Variants in MYO1B observed in about 807,000 individuals in gnomAD.
MYO1B encodes myosin IB, also known as unconventional myosin-Ib.
A neutral mutation model predicts 159.7 loss-of-function variants in MYO1B; 72 were observed. That is an observed-to-expected ratio of 0.45 (90% CI 0.37 to 0.55). MYO1B has a LOEUF of 0.55. MYO1B is among the 20% of genes least tolerant of loss of function. The probability of loss-of-function intolerance (pLI) is 0.00; values close to 1 mark genes in which losing one functional copy is unlikely to be tolerated. For synonymous variants in MYO1B, 468 were observed against 473.8 expected, an observed-to-expected ratio of 0.99 and a Z score of 0.16; for missense variants, 1,062 against 1,364.8, an observed-to-expected ratio of 0.78 and a Z score of 3.50.
At chr2:191,338,052 C>T (rs1037372714) in intron 4 of MYO1B, among the ~76,000 whole-genome samples, 2 of 151,916 alleles carry the variant, frequency 1.3e-5, no homozygotes, top group African/African-American at 4.8e-5. Flanking sequence ...TATGTTGGAC[C>T]TTGTAATTCA....
rs555749870 is a variant in MYO1B at position 191,422,834 on chromosome 2, A to AT, written c.3288-993dup. On this transcript the variant is annotated intron_variant, in intron 30 of 30. Coordinates refer to ENST00000392318, the MANE Select transcript of MYO1B (RefSeq NM_001130158.3). ...TAATTTAATAGGAGCCCCCTCCCATATTTTTTTTTTGCCGTGGAAAAATGG... is the reference window on the plus strand; with the variant it reads ...TAATTTAATAGGAGCCCCCTCCCATATTTTTTTTTTTGCCGTGGAAAAATGG... 4.8e-3 allele frequency among the ~76,000 whole-genome samples: 709 copies of AT among 148,630 alleles called. 3 individuals carry two copies. The highest frequency in any genetic ancestry group is 6.2e-3 in the Non-Finnish European group (416 of 66,748).
intron 1 of MYO1B, among the ~76,000 whole-genome samples, chr2:191,268,703 G>T (rs1326241202): frequency 6.6e-6 from 1 of 152,226 alleles, no homozygotes; most frequent in Non-Finnish European, 1.5e-5. Context: ...TCCTCTGGAG[G>T]AGTCTGGGAA....
At chr2:191,302,546 A>AT (rs1219809281) in intron 3 of MYO1B, among the ~76,000 whole-genome samples, 1 of 152,126 alleles carries the variant, frequency 6.6e-6, no homozygotes, top group Non-Finnish European at 1.5e-5. Context: ...ACTCTTAAGT[A>AT]TTTGTTCAGC....
Position 191,329,928 on chromosome 2 carries a change from C to T in MYO1B, c.252-7C>T, listed in dbSNP as rs372663897. 1.5e-4 allele frequency: 245 copies of T among 1,606,500 alleles called. No homozygotes were observed. The highest frequency in any genetic ancestry group is 1.9e-4 in the Non-Finnish European group (228 of 1,176,068). ...TCTAAGGAATTTTTTTCCATTATCC[C>T]CTGCAGCTTTGCCCTTTCGGATGAA... On this transcript the variant is annotated splice_polypyrimidine_tract_variant and splice_region_variant and intron_variant, in intron 3 of 30. Transcript: ENST00000392318.
At chr2:191,268,607 T>A (rs957816076) in intron 1 of MYO1B, among the ~76,000 whole-genome samples, 1 of 152,222 alleles carries the variant, frequency 6.6e-6, no homozygotes, top group Non-Finnish European at 1.5e-5. Flanking sequence ...GGCCTACAGC[T>A]AGAACCACTC....
At chr2:191,398,646 G>T (rs1009161204) in intron 21 of MYO1B, among the ~76,000 whole-genome samples, 3 of 151,894 alleles carry the variant, frequency 2.0e-5, no homozygotes, top group African/African-American at 7.2e-5. Flanking sequence ...CGGGGCAGAG[G>T]CGCTCCCCAC....
chr2:191,379,869 T>G (rs1005556013), intron 13 of MYO1B, among the ~76,000 whole-genome samples: 1 of 152,246 alleles, frequency 6.6e-6, no homozygotes, highest in African/African-American at 2.4e-5. Context: ...TAGACCAACT[T>G]CAGTTTCTAA....
chr2:191,301,952 G>A (rs927543664), intron 3 of MYO1B, among the ~76,000 whole-genome samples: 6 of 152,204 alleles, frequency 3.9e-5, no homozygotes, highest in Non-Finnish European at 8.8e-5. Flanking sequence ...TTCCTTTAGT[G>A]TAGTGTTCAA....
intron 1 of MYO1B, among the ~76,000 whole-genome samples, chr2:191,270,752 A>T (rs1687408429): frequency 6.6e-6 from 1 of 152,168 alleles, no homozygotes; most frequent in African/African-American, 2.4e-5. Context: ...ATCTTGCCAC[A>T]TTGGCTCCAT....
At chr2:191,419,293 A>G (rs10166146) in intron 30 of MYO1B, among the ~76,000 whole-genome samples, 10,108 of 151,604 alleles carry the variant, frequency 0.067, 1,127 homozygotes, top group African/African-American at 0.23. Flanking sequence ...ATCTCGGCTC[A>G]CTGCAAGCTC....
At position 191,400,839 on chromosome 2, in the gene MYO1B, C is replaced by T. The variant is rs1559237206; in HGVS notation, c.2469+4C>T. The T allele has an allele frequency of 6.2e-7, 1 of 1,612,898 alleles. No individual in the cohort carries two copies. The highest frequency in any genetic ancestry group is 8.5e-7 in the Non-Finnish European group (1 of 1,179,038). ...GGCTTACTGGCTTGGATCTAAGGTA[C>T]TTGATGCACATATCCCAACACTCCA... On this transcript the variant is annotated splice_donor_region_variant and intron_variant, in intron 23 of 30. Coordinates refer to ENST00000392318, the MANE Select transcript of MYO1B (RefSeq NM_001130158.3).
At chr2:191,274,679 T>C (rs1687644859) in intron 1 of MYO1B, among the ~76,000 whole-genome samples, 1 of 152,184 alleles carries the variant, frequency 6.6e-6, no homozygotes, top group Non-Finnish European at 1.5e-5. Flanking sequence ...TAATTTATTG[T>C]GGACAAATTT....
intron 13 of MYO1B, among the ~76,000 whole-genome samples, chr2:191,371,927 C>A (rs1694391371): frequency 6.6e-6 from 1 of 152,200 alleles, no homozygotes; most frequent in African/African-American, 2.4e-5. Context: ...CTACCAATTT[C>A]TTGGTAGAAA....
intron 17 of MYO1B, among the ~76,000 whole-genome samples, chr2:191,389,863 C>T (rs1333755495): frequency 6.6e-6 from 1 of 152,134 alleles, no homozygotes; most frequent in Non-Finnish European, 1.5e-5. Flanking sequence ...AAAACATTCC[C>T]GTCAGTCCAG....
At chr2:191,364,552 T>G (rs993790443) in intron 11 of MYO1B, among the ~76,000 whole-genome samples, 2 of 152,102 alleles carry the variant, frequency 1.3e-5, no homozygotes, top group African/African-American at 4.8e-5. Context: ...AGAGCAACAG[T>G]AGAGCAGAGT....
chr2:191,319,642 T>G (rs2125888570), intron 3 of MYO1B, among the ~76,000 whole-genome samples: 1 of 152,272 alleles, frequency 6.6e-6, no homozygotes, highest in South Asian at 2.1e-4. Context: ...CCGGACCACA[T>G]TAGGATCATG....
At chr2:191,363,707 C>CT (rs748921302) in intron 9 of MYO1B, 21 bp from the exon 10 acceptor site, 1,754 of 1,407,712 alleles carry the variant, frequency 1.2e-3, no homozygotes, top group South Asian at 4.0e-3. Flanking sequence ...AAAATAGTTG[C>CT]TTTTTTTTTT....
At chr2:191,273,374 C>T (rs575548680) in intron 1 of MYO1B, among the ~76,000 whole-genome samples, 6 of 152,304 alleles carry the variant, frequency 3.9e-5, no homozygotes, top group East Asian at 1.9e-4. Context: ...CCACTTGCCT[C>T]GGCCTCCCAA....
intron 2 of MYO1B, among the ~76,000 whole-genome samples, chr2:191,281,810 A>G (rs1302891172): frequency 6.6e-6 from 1 of 152,168 alleles, no homozygotes; most frequent in African/African-American, 2.4e-5. Context: ...CAGTAAATTT[A>G]GTTTGTTTTC....
Sources: gnomAD v4.1 joint callset for allele counts (sites outside exome capture counted in the v4.1 genomes callset) on GRCh38, gnomAD v4.1.1 for gene constraint, MANE v1.5 for transcripts, NCBI Gene and HGNC (gene_info 2026-07-23, HGNC 2026-07-21) for gene names.